The following AGBL1 variants were observed in gnomAD, a reference collection of about 807,000 sequenced individuals.
AGBL1 encodes the protein cytosolic carboxypeptidase 4.
A neutral mutation model predicts 118.9 loss-of-function variants in AGBL1; 130 were observed. The ratio of observed to expected loss-of-function variants is 1.09; its 90% CI spans 0.95 to 1.26. The LOEUF (loss-of-function observed/expected upper bound fraction) is 1.26. Among genes scored for constraint, AGBL1 ranks in the 50% most tolerant of loss-of-function variants. AGBL1 has a pLI of 0.00. For missense variants in AGBL1, 1,584 were observed against 1,298.1 expected (o/e 1.22, Z -3.38); for synonymous variants, 555 against 478.9 (o/e 1.16, Z -2.08).
At chr15:86,475,177 C>A (rs2082539464) in intron 18 of AGBL1, among the ~76,000 whole-genome samples, 1 of 152,186 alleles carries the variant, frequency 6.6e-6, no homozygotes, top group African/African-American at 2.4e-5. Context: ...CTCTCCCCCT[C>A]CAAAGGAACG....
intron 21 of AGBL1, among the ~76,000 whole-genome samples, chr15:86,670,020 C>T (rs1300952279): frequency 6.6e-6 from 1 of 152,136 alleles, no homozygotes; most frequent in Non-Finnish European, 1.5e-5. Context: ...TATATTACAT[C>T]AAATTTATTC....
chr15:86,552,829 C>T (rs926738393), intron 20 of AGBL1, among the ~76,000 whole-genome samples: 1 of 152,104 alleles, frequency 6.6e-6, no homozygotes, highest in Non-Finnish European at 1.5e-5. Context: ...GTGAAGATAA[C>T]ATTAGCATTC....
chr15:86,812,377 G>T (rs1268409457), intron 22 of AGBL1, among the ~76,000 whole-genome samples: 2 of 152,144 alleles, frequency 1.3e-5, no homozygotes, highest in South Asian at 2.1e-4. Flanking sequence ...TACAAAAGGG[G>T]TTGAACAACT....
intron 22 of AGBL1, among the ~76,000 whole-genome samples, chr15:86,838,890 G>A (rs1474228886): frequency 1.6e-5 from 2 of 128,268 alleles, no homozygotes; most frequent in East Asian, 4.9e-4. Context: ...TGTTCAATGA[G>A]CTAGAGCTAT....
rs1375520944 is a variant in AGBL1 at position 86,910,387 on chromosome 15, C to T, written c.*3093C>T. 1 of 152,126 alleles carries T rather than the reference C, an allele frequency of 6.6e-6. No individual in the cohort carries two copies. The highest frequency in any genetic ancestry group is 2.4e-5 in the African/African-American group (1 of 41,416). 9.4% of individuals were successfully genotyped at this position (152,126 alleles called of 1,614,324 possible). On this transcript the variant is annotated 3_prime_UTR_variant, in exon 23 of 23. Coordinates refer to ENST00000614907, the MANE Select transcript of AGBL1 (RefSeq NM_001386094.1). ...TGAAATGGAAAAACTAGACAGCAGT[C>T]AGATAAAGCTGCATTTGGCATTCCT...
In AGBL1 at chr15:86,940,060, C is replaced by CTTTTTTTT. The variant is rs5814267; in HGVS notation, c.3222-47906_3222-47899dup. On this transcript the variant is annotated intron_variant, in intron 23 of 24. Transcript: ENST00000441037. ...ACAAACTCAGCTAATTTTGGTAGTC[C>CTTTTTTTT]TTTTTTTTTTTTTTTTTTTTTTTTT... 3.2e-3 allele frequency among the ~76,000 whole-genome samples: 191 copies of CTTTTTTTT among 59,454 alleles called. 3 individuals are homozygous for CTTTTTTTT. The highest frequency in any genetic ancestry group is 6.5e-3 in the South Asian group (4 of 618). The allele number at this position is 59,454 out of a possible 152,430, so 39.0% of individuals were successfully genotyped here.
chr15:86,532,133 T>C (rs1194320829), intron 19 of AGBL1, among the ~76,000 whole-genome samples: 1 of 150,264 alleles, frequency 6.7e-6, no homozygotes, highest in East Asian at 2.0e-4. Flanking sequence ...GAGAAGGAAA[T>C]AAGGGGTATT....
At chr15:86,722,999 G>T (rs866029712) in intron 22 of AGBL1, among the ~76,000 whole-genome samples, 1 of 120,478 alleles carries the variant, frequency 8.3e-6, no homozygotes, top group Non-Finnish European at 1.6e-5. Flanking sequence ...AAAAGTCAGG[G>T]AACAACAGGT....
chr15:86,476,460 AACAAAGATCAAAAGAG>A (rs1294993460), intron 18 of AGBL1, among the ~76,000 whole-genome samples: 3 of 152,192 alleles, frequency 2.0e-5, no homozygotes, highest in South Asian at 2.1e-4. Context: ...ACTTTAAACC[AACAAAGATCAAAAGAG>A]ACAAAGAAGG....
intron 23 of AGBL1, among the ~76,000 whole-genome samples, chr15:86,980,567 C>T (rs576620688): frequency 6.6e-6 from 1 of 152,118 alleles, no homozygotes; most frequent in East Asian, 1.9e-4. Context: ...AAACTTCTCT[C>T]CTAGGTTGTG....
At chr15:86,756,354 T>G (rs2077940115) in intron 22 of AGBL1, among the ~76,000 whole-genome samples, 1 of 151,872 alleles carries the variant, frequency 6.6e-6, no homozygotes, top group African/African-American at 2.4e-5. Context: ...CATTTATTCA[T>G]GCATGAACTT....
chr15:86,268,834 C>T (rs919027378), intron 13 of AGBL1, among the ~76,000 whole-genome samples: 1 of 152,072 alleles, frequency 6.6e-6, no homozygotes, highest in Non-Finnish European at 1.5e-5. Context: ...CCAAGCTCAG[C>T]GTTTCATAAA....
At chr15:86,123,659 C>T (rs945388994) in intron 1 of AGBL1, among the ~76,000 whole-genome samples, 1 of 152,162 alleles carries the variant, frequency 6.6e-6, no homozygotes, top group African/African-American at 2.4e-5. Context: ...CCTGGAAGCC[C>T]CTGCTTCTAG....
chr15:86,979,757 C>G (rs1214371856), intron 23 of AGBL1, among the ~76,000 whole-genome samples: 1 of 152,106 alleles, frequency 6.6e-6, no homozygotes, highest in Non-Finnish European at 1.5e-5. Flanking sequence ...CCCGCCTTGG[C>G]CTTCCGAAGT....
At chr15:86,311,594 G>A (rs1172642276) in intron 17 of AGBL1, among the ~76,000 whole-genome samples, 1 of 152,012 alleles carries the variant, frequency 6.6e-6, no homozygotes, top group African/African-American at 2.4e-5. Context: ...GGTTTTCTCC[G>A]GGGCTTCCTA....
At chr15:86,322,850 G>A (rs987142525) in intron 17 of AGBL1, among the ~76,000 whole-genome samples, 3 of 152,160 alleles carry the variant, frequency 2.0e-5, no homozygotes, top group African/African-American at 7.2e-5. Flanking sequence ...GGAGCCAAGT[G>A]CAGTAATTTT....
intron 24 of AGBL1, among the ~76,000 whole-genome samples, chr15:87,002,547 G>A (rs1248774957): frequency 2.0e-5 from 3 of 151,964 alleles, no homozygotes; most frequent in Non-Finnish European, 4.4e-5. Context: ...GGATGGCACT[G>A]AATCTATAAA....
At chr15:86,832,586 G>A (rs773853514) in intron 22 of AGBL1, among the ~76,000 whole-genome samples, 2 of 152,142 alleles carry the variant, frequency 1.3e-5, no homozygotes, top group African/African-American at 4.8e-5. Context: ...CCAAAACATA[G>A]AAAGAGTCAC....
intron 3 of AGBL1, among the ~76,000 whole-genome samples, chr15:86,151,684 G>A (rs1203533420): frequency 6.6e-6 from 1 of 152,116 alleles, no homozygotes; most frequent in East Asian, 1.9e-4. Flanking sequence ...AGGACAATCA[G>A]GCAAGAGAAA....
Sources: allele counts gnomAD v4.1 joint callset (sites outside exome capture counted in the v4.1 genomes callset), GRCh38; gene constraint gnomAD v4.1.1; transcripts MANE v1.5; gene names NCBI Gene and HGNC (gene_info 2026-07-23, HGNC 2026-07-21).